GPR132: variants seen among roughly 807,000 people sequenced by gnomAD.
The protein encoded by GPR132 is G protein-coupled receptor 132.
GPR132 carries 4 observed loss-of-function variants against 1.9 expected under a neutral mutation model. That is an observed-to-expected ratio of 2.13 (90% CI 1.05 to 4.87). The LOEUF (loss-of-function observed/expected upper bound fraction) is 4.87, where lower values mean the gene tolerates loss of function less well. Among genes scored for constraint, GPR132 ranks in the 30% most tolerant of loss-of-function variants. The pLI is 0.01. For synonymous variants in GPR132, 233 were observed against 234.2 expected, an observed-to-expected ratio of 0.99 and a Z score of 0.05; for missense variants, 404 against 512.5, an observed-to-expected ratio of 0.79 and a Z score of 2.04.
intron 1 of GPR132, chr14:105,057,889 A>G (rs1310468347): frequency 6.6e-6 from 1 of 152,096 alleles, no homozygotes; most frequent in African/African-American, 2.4e-5. Context: ...GGGTCTCACC[A>G]TGTTGGGCAG....
rs755061791 is a variant in GPR132, at chr14:105,051,675, G to A, written c.462C>T (p.Arg154=). The A allele has an allele frequency of 1.2e-6, 2 of 1,613,742 alleles. No homozygotes were observed. Among genetic ancestry groups the A allele is most frequent in the East Asian group, 4.5e-5 (2 of 44,894 alleles). Reference sequence around the variant, plus strand: ...AGATGAGGATGGCGGTCCTCCGGCGGCGGCGGCCCCGACTCTCCAGCGCGT... The same window carrying A: ...AGATGAGGATGGCGGTCCTCCGGCGACGGCGGCCCCGACTCTCCAGCGCGT... ...VVYALESRGR[R]RRRTAILISA... The change falls in exon 4 of 4, where the codon CGC becomes CGT. Residue 154 remains arginine (R), a synonymous_variant. Coordinates refer to ENST00000329797, the MANE Select transcript of GPR132 (RefSeq NM_013345.4). The surrounding 1 kb of genome is among the most constrained non-coding windows in gnomAD (Gnocchi z 8.0).
chr14:105,060,443 A>T lies in GPR132; in HGVS notation c.-860-3163T>A, dbSNP rs1459605219. The stretch of plus-strand genomic sequence containing the variant: ...GGGTGTGGGGGGCCCGACCAGCCTC[A>T]CACTGGGCCTGGCTTCCCTCCTCAG... On this transcript the variant is annotated intron_variant, in intron 1 of 3. Transcript: ENST00000329797. This position sits in a 1 kb window ranked among gnomAD's most constrained non-coding sequence, Gnocchi z 6.3. 6.6e-6 allele frequency among the ~76,000 whole-genome samples: 1 copy of T among 152,112 alleles called. No individual in the cohort carries two copies. Among genetic ancestry groups the T allele is most frequent in the Non-Finnish European group, 1.5e-5 (1 of 68,014 alleles).
intron 1 of GPR132, among the ~76,000 whole-genome samples, chr14:105,064,321 C>A (rs764710599): frequency 2.1e-4 from 32 of 152,110 alleles, no homozygotes; most frequent in Non-Finnish European, 4.4e-4. Flanking sequence ...CTCCACCACA[C>A]CCATCCAAAG....
intron 3 of GPR132, chr14:105,054,182 G>A (rs1179496159): frequency 6.4e-6 from 8 of 1,250,936 alleles, no homozygotes; most frequent in South Asian, 1.3e-5. Flanking sequence ...GACGGACAGA[G>A]CGTTGCCAAA....
intron 3 of GPR132, chr14:105,054,174 C>G (rs148010697): frequency 8.0e-7 from 1 of 1,257,196 alleles, no homozygotes; most frequent in African/African-American, 1.6e-5. Context: ...ACCTGACGGA[C>G]GGACAGAGCG....
At chr14:105,052,149 C>T (rs751522857) in intron 3 of GPR132, 47 bp from the exon 4 acceptor site, 1 of 1,449,844 alleles carries the variant, frequency 6.9e-7, no homozygotes, top group Non-Finnish European at 9.2e-7. Context: ...TGGAAACCAC[C>T]TGGGAGAGAC....
At position 105,056,554 on chromosome 14, in the gene GPR132, C is replaced by T. The variant is rs1886799830; in HGVS notation, c.-746-388G>A. On this transcript the variant is annotated intron_variant, in intron 2 of 3. Transcript: ENST00000329797. This position sits in a 1 kb window ranked among gnomAD's most constrained non-coding sequence, Gnocchi z 6.0. ...AGAGCCGCTCTGGTCTGTTCCCTCC[C>T]CGACTTCCTACGGCTCCCCCACCCC... Among the ~76,000 whole-genome samples, 1 of 152,210 alleles carries T rather than the reference C, an allele frequency of 6.6e-6. No individual in the cohort carries two copies. The highest frequency in any genetic ancestry group is 1.5e-5 in the Non-Finnish European group (1 of 68,024).
intron 1 of GPR132, among the ~76,000 whole-genome samples, chr14:105,063,058 C>T (rs1165374134): frequency 1.3e-5 from 2 of 152,170 alleles, no homozygotes; most frequent in Non-Finnish European, 2.9e-5. Context: ...ACTGGGACTA[C>T]AGGCACCTGC....
chr14:105,054,247 G>A (rs746080147), intron 3 of GPR132: 76 of 1,170,164 alleles, frequency 6.5e-5, no homozygotes, highest in Middle Eastern at 2.6e-4. Context: ...GCCCTGGCGC[G>A]AGGTCAGGGG....
In GPR132 at chr14:105,056,490, C is replaced by T. The variant is rs903493037; in HGVS notation, c.-746-324G>A. Among the ~76,000 whole-genome samples the T allele has an allele frequency of 6.6e-6, 1 of 152,202 alleles. No homozygotes were observed. On this transcript the variant is annotated intron_variant, in intron 2 of 3. Coordinates refer to ENST00000329797, the MANE Select transcript of GPR132 (RefSeq NM_013345.4). This position sits in a 1 kb window ranked among gnomAD's most constrained non-coding sequence, Gnocchi z 6.0. ...CACAAGGGGAGATGCAGGCAAGACC[C>T]GGGGTGGCCAGAGGGGTCCCTCCCA...
chr14:105,053,147 CTTTTTTTTTTTTTTT>C (rs1162515395), intron 3 of GPR132, among the ~76,000 whole-genome samples: 1 of 98,990 alleles, frequency 1.0e-5, no homozygotes, highest in Non-Finnish European at 1.9e-5. Flanking sequence ...AACCTGTAGT[CTTTTTTTTTTTTTTT>C]TTTTTTTTGG....
chr14:105,063,117 C>T (rs1886992363), intron 1 of GPR132, among the ~76,000 whole-genome samples: 1 of 152,026 alleles, frequency 6.6e-6, no homozygotes, highest in Non-Finnish European at 1.5e-5. Context: ...GACGAGGTTT[C>T]CCTATGTTAC....
Position 105,056,528 on chromosome 14 carries a change from C to T in GPR132, c.-746-362G>A, listed in dbSNP as rs1886798723. Among the ~76,000 whole-genome samples, 1 of 152,228 alleles carries T rather than the reference C, an allele frequency of 6.6e-6. No homozygotes were observed. The highest frequency in any genetic ancestry group is 2.4e-5 in the African/African-American group (1 of 41,460). ...GGGGTCCCTCCCACCTCAGCCTGCA[C>T]AGAGCCGCTCTGGTCTGTTCCCTCC... is the stretch of plus-strand genomic sequence containing the variant. On this transcript the variant is annotated intron_variant, in intron 2 of 3. Coordinates refer to ENST00000329797, the MANE Select transcript of GPR132 (RefSeq NM_013345.4). The surrounding 1 kb of genome is among the most constrained non-coding windows in gnomAD (Gnocchi z 6.0).
Position 105,057,160 on chromosome 14 carries a change from C to CTG in GPR132, c.-747+6_-747+7insCA. Reference sequence around the variant, plus strand: ...TACATGTTCAAAGTCGGAGAAGGCTCTCTCACCTGGCATATTTTGCGGGTT... The same window carrying CTG: ...TACATGTTCAAAGTCGGAGAAGGCTCTGTCTCACCTGGCATATTTTGCGGGTT... On this transcript the variant is annotated splice_region_variant and intron_variant, in intron 2 of 3. Coordinates refer to ENST00000329797, the MANE Select transcript of GPR132 (RefSeq NM_013345.4). 1 of 1,533,036 alleles carries CTG rather than the reference C, an allele frequency of 6.5e-7. No homozygotes were observed. The highest frequency in any genetic ancestry group is 8.7e-7 in the Non-Finnish European group (1 of 1,144,140). The allele number at this position is 1,533,036 out of a possible 1,614,324, so 95.0% of individuals were successfully genotyped here.
chr14:105,062,583 C>G (rs1886976016), intron 1 of GPR132, among the ~76,000 whole-genome samples: 1 of 145,078 alleles, frequency 6.9e-6, no homozygotes, highest in South Asian at 2.2e-4. Context: ...CTCTGTTGCC[C>G]AGGCTGGAGT....
At position 105,051,004 on chromosome 14, in the gene GPR132, T is replaced by G. The variant is rs1239285918; in HGVS notation, c.1133A>C (p.Glu378Ala). Reference protein sequence around the residue: ...SPCPAKRLIEESC With the variant: ...SPCPAKRLIEASC The stretch of plus-strand genomic sequence containing the variant: ...TGCCACACAGTGGGCTCAGCAGGAC[T>G]CCTCAATCAGCCTCTTTGCAGGGCA... The change falls in exon 4 of 4, where the codon GAG (glutamate) becomes GCG (alanine). Residue 378 changes from glutamate to alanine, a missense_variant. Glu to Ala is a moderately radical substitution (Grantham distance 107). Coordinates refer to ENST00000329797, the MANE Select transcript of GPR132 (RefSeq NM_013345.4). This position sits in a 1 kb window ranked among gnomAD's most constrained non-coding sequence, Gnocchi z 8.0. The G allele has an allele frequency of 6.2e-7, 1 of 1,611,428 alleles. No homozygotes were observed. The highest frequency in any genetic ancestry group is 1.3e-5 in the African/African-American group (1 of 74,890).
intron 3 of GPR132, among the ~76,000 whole-genome samples, chr14:105,054,811 G>T (rs1886744442): frequency 6.6e-6 from 1 of 150,702 alleles, no homozygotes; most frequent in African/African-American, 2.4e-5. Context: ...AGGCCAGGGT[G>T]GGGAGATCAC....
At position 105,059,959 on chromosome 14, in the gene GPR132, G is replaced by C. The variant is rs1886897333; in HGVS notation, c.-860-2679C>G. Among the ~76,000 whole-genome samples the C allele has an allele frequency of 6.6e-6, 1 of 152,238 alleles. No individual in the cohort carries two copies. The highest frequency in any genetic ancestry group is 2.4e-5 in the African/African-American group (1 of 41,472). On this transcript the variant is annotated intron_variant, in intron 1 of 3. Coordinates refer to ENST00000329797, the MANE Select transcript of GPR132 (RefSeq NM_013345.4). This position sits in a 1 kb window ranked among gnomAD's most constrained non-coding sequence, Gnocchi z 4.2. Reference sequence around the variant, plus strand: ...AGACACTGAGTCAAGAAAGAAACAAGAAAAGCCATCTCCAAAGTGATGCCC... The same window carrying C: ...AGACACTGAGTCAAGAAAGAAACAACAAAAGCCATCTCCAAAGTGATGCCC...
intron 1 of GPR132, among the ~76,000 whole-genome samples, chr14:105,063,353 A>G (rs1886999775): frequency 1.3e-5 from 2 of 151,218 alleles, no homozygotes; most frequent in South Asian, 4.2e-4. Flanking sequence ...GTGCTCCTCC[A>G]GTCTTTTAAA....
Sources: gnomAD v4.1 joint callset for allele counts (sites outside exome capture counted in the v4.1 genomes callset) on GRCh38, gnomAD v4.1.1 for gene constraint, Gnocchi (gnomAD v3.1) non-coding constraint, MANE v1.5 for transcripts, NCBI Gene and HGNC (gene_info 2026-07-23, HGNC 2026-07-21) for gene names.